MAML2: variants seen among roughly 807,000 people sequenced by gnomAD.
MAML2 encodes the protein mastermind-like protein 2.
MAML2 carries 22 observed loss-of-function variants against 96.1 expected under a neutral mutation model. That is an observed-to-expected ratio of 0.23 (90% CI 0.16 to 0.33). The LOEUF (loss-of-function observed/expected upper bound fraction) is 0.33, where lower values mean the gene tolerates loss of function less well. Among genes scored for constraint, MAML2 ranks in the 10% least tolerant of loss-of-function variants. MAML2 has a pLI of 1.00. For synonymous variants in MAML2, 561 were observed against 521.3 expected (o/e 1.08, Z -1.04); for missense variants, 1,367 against 1,392.4 (o/e 0.98, Z 0.29).
rs972190446 is a variant in MAML2 at position 96,020,025 on chromosome 11, T to C, written c.2140-28302A>G. Among the ~76,000 whole-genome samples, 5 of 152,294 alleles carry C rather than the reference T, an allele frequency of 3.3e-5. No homozygotes were observed. The East Asian group carries it at 5.8e-4, about 18-fold the overall frequency. ...AGGCTGCGAAGCACTTTCTAGTTAA[T>C]AGATTCACATTCTCTACATGGTCAA... On this transcript the variant is annotated intron_variant, in intron 2 of 4. Transcript: ENST00000524717.
intron 2 of MAML2, among the ~76,000 whole-genome samples, chr11:95,998,504 T>C (rs1858033904): frequency 6.6e-6 from 1 of 152,152 alleles, no homozygotes; most frequent in Non-Finnish European, 1.5e-5. Context: ...TGGAGATAAT[T>C]TGGACACAGT....
intron 2 of MAML2, among the ~76,000 whole-genome samples, chr11:96,004,327 T>C (rs1227892288): frequency 1.3e-5 from 2 of 152,026 alleles, no homozygotes; most frequent in African/African-American, 2.4e-5. Context: ...TTTTAAAGGG[T>C]TAGTTCTTAA....
At chr11:96,166,506 AAG>A (rs1861197820) in intron 1 of MAML2, among the ~76,000 whole-genome samples, 1 of 152,226 alleles carries the variant, frequency 6.6e-6, no homozygotes, top group Non-Finnish European at 1.5e-5. Flanking sequence ...AGTTAGAAGA[AAG>A]AGGACCCAAC....
intron 1 of MAML2, among the ~76,000 whole-genome samples, chr11:96,257,830 G>T (rs1351356719): frequency 6.6e-6 from 1 of 152,152 alleles, no homozygotes; most frequent in Non-Finnish European, 1.5e-5. Context: ...GTAACAGAAA[G>T]GAAAATAATG....
chr11:96,288,542 CAA>C (rs60166307), intron 1 of MAML2, among the ~76,000 whole-genome samples: 1,735 of 83,948 alleles, frequency 0.021, 29 homozygotes, highest in African/African-American at 0.063. Flanking sequence ...GACTCTGTCT[CAA>C]AAAAAAAAAA....
chr11:96,277,251 A>G (rs1863003164), intron 1 of MAML2, among the ~76,000 whole-genome samples: 1 of 152,170 alleles, frequency 6.6e-6, no homozygotes, highest in Admixed American at 6.5e-5. Context: ...TTATTGATAC[A>G]TAATATTTTA....
intron 1 of MAML2, among the ~76,000 whole-genome samples, chr11:96,339,569 G>C (rs1006779357): frequency 6.6e-6 from 1 of 152,184 alleles, no homozygotes; most frequent in Non-Finnish European, 1.5e-5. Context: ...CCCGGGCAGA[G>C]ATCAGTCTTC....
At chr11:96,278,402 T>C (rs1863019144) in intron 1 of MAML2, among the ~76,000 whole-genome samples, 1 of 152,212 alleles carries the variant, frequency 6.6e-6, no homozygotes, top group Non-Finnish European at 1.5e-5. Flanking sequence ...GTCACTGCCC[T>C]AAGCCTATCA....
intron 1 of MAML2, among the ~76,000 whole-genome samples, chr11:96,214,460 T>C (rs897703210): frequency 6.6e-6 from 1 of 152,230 alleles, no homozygotes; most frequent in South Asian, 2.1e-4. Flanking sequence ...ATAAAGAATG[T>C]AATCTCTCTA....
intron 2 of MAML2, among the ~76,000 whole-genome samples, chr11:96,031,815 C>T (rs1858619351): frequency 6.6e-6 from 1 of 151,922 alleles, no homozygotes; most frequent in African/African-American, 2.4e-5. Flanking sequence ...GAAACCCCGT[C>T]TCTACTAAAA....
chr11:96,130,036 G>A (rs1018774237), intron 1 of MAML2, among the ~76,000 whole-genome samples: 3 of 152,204 alleles, frequency 2.0e-5, no homozygotes, highest in African/African-American at 7.2e-5. Flanking sequence ...ATATTATAAT[G>A]ATTCTGAGAC....
At chr11:96,291,632 T>G (rs1325150251) in intron 1 of MAML2, among the ~76,000 whole-genome samples, 1 of 152,206 alleles carries the variant, frequency 6.6e-6, no homozygotes, top group Non-Finnish European at 1.5e-5. Context: ...CTTCAGATCC[T>G]TTTTGGAAGG....
intron 1 of MAML2, among the ~76,000 whole-genome samples, chr11:96,147,200 A>T (rs548734606): frequency 6.6e-6 from 1 of 152,294 alleles, no homozygotes; most frequent in East Asian, 1.9e-4. Flanking sequence ...TTTTTTCCTC[A>T]ATACTTCCTT....
In MAML2 at chr11:95,998,174, G is replaced by GTCTA. The variant is rs1554993560; in HGVS notation, c.2140-6455_2140-6452dup. Among the ~76,000 whole-genome samples, 1,228 of 147,810 alleles carry GTCTA rather than the reference G, an allele frequency of 8.3e-3. 42 individuals are homozygous for GTCTA. Among genetic ancestry groups the GTCTA allele is most frequent in the Admixed American group, 0.056 (821 of 14,724 alleles). Reference sequence around the variant, plus strand: ...TGTCTGTCTGTCTGTCTGTCTGTCTGTCTATCTATCTATCCACCCCATCCA... The same window carrying GTCTA: ...TGTCTGTCTGTCTGTCTGTCTGTCTGTCTATCTATCTATCTATCCACCCCATCCA... On this transcript the variant is annotated intron_variant, in intron 2 of 4. Coordinates refer to ENST00000524717, the MANE Select transcript of MAML2 (RefSeq NM_032427.4).
At chr11:96,027,402 A>T (rs1308743487) in intron 2 of MAML2, among the ~76,000 whole-genome samples, 1 of 152,220 alleles carries the variant, frequency 6.6e-6, no homozygotes, top group Non-Finnish European at 1.5e-5. Context: ...GTATGTGGCC[A>T]GGCTGTGATT....
chr11:96,128,167 G>A (rs924076414), intron 1 of MAML2, among the ~76,000 whole-genome samples: 3 of 152,140 alleles, frequency 2.0e-5, no homozygotes, highest in Non-Finnish European at 4.4e-5. Context: ...GCCGAGGCGG[G>A]TGGATCACCT....
chr11:96,278,170 G>A (rs749999419), intron 1 of MAML2, among the ~76,000 whole-genome samples: 28 of 152,022 alleles, frequency 1.8e-4, no homozygotes, highest in East Asian at 3.9e-4. Flanking sequence ...TTCATATTCC[G>A]TATCACAGAT....
At chr11:96,008,845 C>T (rs1173915150) in intron 2 of MAML2, among the ~76,000 whole-genome samples, 3 of 152,170 alleles carry the variant, frequency 2.0e-5, no homozygotes, top group Admixed American at 6.5e-5. Context: ...TATCTCATCC[C>T]AGGACATGAT....
At chr11:96,138,087 A>G (rs555420968) in intron 1 of MAML2, among the ~76,000 whole-genome samples, 2 of 152,336 alleles carry the variant, frequency 1.3e-5, no homozygotes, top group Non-Finnish European at 2.9e-5. Context: ...AGTCCTTCAC[A>G]TATTTAGGCT....
Sources: allele counts gnomAD v4.1 joint callset (sites outside exome capture counted in the v4.1 genomes callset), GRCh38; gene constraint gnomAD v4.1.1; transcripts MANE v1.5; gene names NCBI Gene and HGNC (gene_info 2026-07-23, HGNC 2026-07-21).